The following RTP1 variants were observed in gnomAD, a reference collection of about 807,000 sequenced individuals.
The protein encoded by RTP1 is receptor-transporting protein 1.
In RTP1, 24 loss-of-function variants were observed where a neutral mutation model predicts 27.1. The ratio of observed to expected loss-of-function variants is 0.89; its 90% CI spans 0.64 to 1.25. The LOEUF (loss-of-function observed/expected upper bound fraction) is 1.25. Ranked by LOEUF, RTP1 falls within the 50% of genes most tolerant of loss-of-function variation. RTP1 has a pLI of 0.00. For missense variants in RTP1, 338 were observed against 351.6 expected (o/e 0.96, Z 0.31); for synonymous variants, 148 against 148.1 (o/e 1.00, Z 0.00).
Position 187,197,616 on chromosome 3 carries a change from A to T in RTP1, c.101A>T (p.Asp34Val), listed in dbSNP as rs749388369. ...TGGAAATTGCCTTCCCTCACTACTG[A>T]CGAGACCATGTGTAAAAGCGTGACC... ...LRWKLPSLTTDETMCKSVTTD... is the reference protein window; with the variant it reads ...LRWKLPSLTTVETMCKSVTTD... The change falls in exon 1 of 2, where the codon GAC (aspartate) becomes GTC (valine). Residue 34 changes from aspartate to valine, a missense_variant. Asp to Val is a radical substitution (Grantham distance 152, BLOSUM62 -3). Around this residue, in one of 3 missense-constraint regions of RTP1, gnomAD observed 64 missense variants for 74.5 expected, o/e 0.86. Transcript: ENST00000312295. The T allele has an allele frequency of 6.2e-7, 1 of 1,614,126 alleles. No individual in the cohort carries two copies. Among genetic ancestry groups the T allele is most frequent in the Non-Finnish European group, 8.5e-7 (1 of 1,180,032 alleles).
Position 187,197,495 on chromosome 3 carries a change from T to C in RTP1, c.-21T>C, listed in dbSNP as rs372478884. Reference sequence around the variant, plus strand: ...GCGGACAAAGGAGGGAGCTGGGTCCTGCTTCCTCCTGGTCTTGTCGATGAG... The same window carrying C: ...GCGGACAAAGGAGGGAGCTGGGTCCCGCTTCCTCCTGGTCTTGTCGATGAG... On this transcript the variant is annotated 5_prime_UTR_variant, in exon 1 of 2. Transcript: ENST00000312295. The C allele has an allele frequency of 4.0e-5, 65 of 1,606,350 alleles. No individual in the cohort carries two copies. In the African/African-American group the frequency reaches 6.9e-4, roughly 17 times the overall value.
rs1285513180 is a variant in RTP1 at position 187,199,800 on chromosome 3, C to T, written c.522C>T (p.Arg174=). Residue 174 remains arginine (R), a synonymous_variant, in exon 2 of 2, where the codon CGC becomes CGT. Transcript: ENST00000312295. ...ACGGCGAGCGTGGCGGCCAGTACCG[C>T]ATCCACGTGGCCAGCCGCCAGGACA... is the stretch of plus-strand genomic sequence containing the variant. ...QCYGERGGQY[R]IHVASRQDNR... 3.1e-6 allele frequency: 5 copies of T among 1,611,420 alleles called. No individual in the cohort carries two copies. In the African/African-American group the frequency reaches 6.7e-5, roughly 21 times the overall value.
rs1721698420 is a variant in RTP1, at chr3:187,200,411, G to C, written c.*341G>C. On this transcript the variant is annotated 3_prime_UTR_variant, in exon 2 of 2. Transcript: ENST00000312295. ...TCCTCCTCTTGCTTCGATCAGAACAGCTTTACTTTAGATAGGGTTCCATTT... is the reference window on the plus strand; with the variant it reads ...TCCTCCTCTTGCTTCGATCAGAACACCTTTACTTTAGATAGGGTTCCATTT... 5.5e-6 allele frequency: 1 copy of C among 181,782 alleles called. No homozygotes were observed. Among genetic ancestry groups the C allele is most frequent in the Admixed American group, 6.6e-5 (1 of 15,232 alleles). The allele number at this position is 181,782 out of a possible 1,614,324, so 11.3% of individuals were successfully genotyped here.
chr3:187,198,096 T>G, intron 1 of RTP1: 1 of 276,734 alleles, frequency 3.6e-6, no homozygotes, highest in Non-Finnish European at 6.8e-6. Context: ...TATTTTCTAT[T>G]TTAACAGTCT....
chr3:187,197,505 T>G lies in RTP1; in HGVS notation c.-11T>G. 6.2e-7 allele frequency: 1 copy of G among 1,611,252 alleles called. No homozygotes were observed. Among genetic ancestry groups the G allele is most frequent in the East Asian group, 2.2e-5 (1 of 44,782 alleles). Reference sequence around the variant, plus strand: ...GAGGGAGCTGGGTCCTGCTTCCTCCTGGTCTTGTCGATGAGGATTTTTAGA... The same window carrying G: ...GAGGGAGCTGGGTCCTGCTTCCTCCGGGTCTTGTCGATGAGGATTTTTAGA... On this transcript the variant is annotated 5_prime_UTR_variant, in exon 1 of 2. Coordinates refer to ENST00000312295, the MANE Select transcript of RTP1 (RefSeq NM_153708.3).
In RTP1 at chr3:187,200,086, C is replaced by T; in HGVS notation, c.*16C>T. 6.7e-7 allele frequency: 1 copy of T among 1,491,970 alleles called. No individual in the cohort carries two copies. Among genetic ancestry groups the T allele is most frequent in the Non-Finnish European group, 8.9e-7 (1 of 1,118,422 alleles). 92.4% of individuals were successfully genotyped at this position (1,491,970 alleles called of 1,614,324 possible). A position where few individuals can be genotyped will look rare whatever the true frequency, so the allele number is the denominator to read the frequency against. ...CTCCGTATAAGATTCCGTGGTTGGGCCCAGAGCCTGTCGAGGGTGCCAGTT... is the reference window on the plus strand; with the variant it reads ...CTCCGTATAAGATTCCGTGGTTGGGTCCAGAGCCTGTCGAGGGTGCCAGTT... On this transcript the variant is annotated 3_prime_UTR_variant, in exon 2 of 2. Coordinates refer to ENST00000312295, the MANE Select transcript of RTP1 (RefSeq NM_153708.3).
chr3:187,199,704 G>C lies in RTP1; in HGVS notation c.426G>C (p.Glu142Asp), dbSNP rs1317942521. ...CYECGTARLD[E>D]SSMLEENIEG... ...AGTGCGGCACGGCGCGGCTGGACGA[G>C]TCCAGCATGCTGGAGGAGAACATCG... The change falls in exon 2 of 2, where the codon GAG (glutamate) becomes GAC (aspartate). Residue 142 changes from glutamate to aspartate, a missense_variant. By Grantham distance (45) the Glu-to-Asp change is conservative. Transcript: ENST00000312295. 4 of 1,613,286 alleles carry C rather than the reference G, an allele frequency of 2.5e-6. No homozygotes were observed. Among genetic ancestry groups the C allele is most frequent in the Non-Finnish European group, 3.4e-6 (4 of 1,179,432 alleles).
At position 187,197,611 on chromosome 3, in the gene RTP1, T is replaced by G. The variant is rs1477602355; in HGVS notation, c.96T>G (p.Thr32=). Residue 32 remains threonine (T), a synonymous_variant, in exon 1 of 2, where the codon ACT becomes ACG. Transcript: ENST00000312295. ...TAAGGTGGAAATTGCCTTCCCTCACTACTGACGAGACCATGTGTAAAAGCG... is the reference window on the plus strand; with the variant it reads ...TAAGGTGGAAATTGCCTTCCCTCACGACTGACGAGACCATGTGTAAAAGCG... The part of the protein sequence containing the change: ...FSLRWKLPSL[T]TDETMCKSVT... The G allele has an allele frequency of 6.2e-7, 1 of 1,614,142 alleles. No homozygotes were observed. The highest frequency in any genetic ancestry group is 1.3e-5 in the African/African-American group (1 of 75,018).
rs1160437827 is a variant in RTP1, at chr3:187,200,278, C to T, written c.*208C>T. ...TGGTTTATCATAGTGAAACCCAGGACCCCAAAGTTCTGCGTAGGTGCCTCA... is the reference window on the plus strand; with the variant it reads ...TGGTTTATCATAGTGAAACCCAGGATCCCAAAGTTCTGCGTAGGTGCCTCA... On this transcript the variant is annotated 3_prime_UTR_variant, in exon 2 of 2. Transcript: ENST00000312295. 1 of 432,616 alleles carries T rather than the reference C, an allele frequency of 2.3e-6. No individual in the cohort carries two copies. The highest frequency in any genetic ancestry group is 3.9e-6 in the Non-Finnish European group (1 of 257,986). The allele number at this position is 432,616 out of a possible 1,614,324, so 26.8% of individuals were successfully genotyped here.
At position 187,199,796 on chromosome 3, in the gene RTP1, A is replaced by G. The variant is rs773480899; in HGVS notation, c.518A>G (p.Tyr173Cys). Residue 173 changes from tyrosine (Y) to cysteine (C), a missense_variant, in exon 2 of 2, where the codon TAC (tyrosine) becomes TGC (cysteine). By Grantham distance (194) the Tyr-to-Cys change is radical (BLOSUM62 -2). This residue lies in a region of RTP1 where 252 missense variants were observed against 231.5 expected (regional missense o/e 1.09). Coordinates refer to ENST00000312295, the MANE Select transcript of RTP1 (RefSeq NM_153708.3). ...TGCTACGGCGAGCGTGGCGGCCAGT[A>G]CCGCATCCACGTGGCCAGCCGCCAG... ...EQCYGERGGQ[Y>C]RIHVASRQDN... 5.0e-6 allele frequency: 8 copies of G among 1,611,736 alleles called. No individual in the cohort carries two copies. Among genetic ancestry groups the G allele is most frequent in the African/African-American group, 1.3e-5 (1 of 74,970 alleles).
Position 187,199,809 on chromosome 3 carries a change from G to T in RTP1, c.531G>T (p.Val177=). Residue 177 remains valine, a synonymous_variant, in exon 2 of 2, where the codon GTG becomes GTT. Transcript: ENST00000312295. ...GERGGQYRIH[V]ASRQDNRRHR... is the part of the protein sequence containing the mutation. Reference sequence around the variant, plus strand: ...GTGGCGGCCAGTACCGCATCCACGTGGCCAGCCGCCAGGACAACCGGCGGC... The same window carrying T: ...GTGGCGGCCAGTACCGCATCCACGTTGCCAGCCGCCAGGACAACCGGCGGC... The T allele has an allele frequency of 6.2e-7, 1 of 1,609,760 alleles. No homozygotes were observed. Among genetic ancestry groups the T allele is most frequent in the Non-Finnish European group, 8.5e-7 (1 of 1,176,790 alleles).
At position 187,199,645 on chromosome 3, in the gene RTP1, G is replaced by T. The variant is rs768259250; in HGVS notation, c.367G>T (p.Val123Leu). Residue 123 changes from valine to leucine, a missense_variant, in exon 2 of 2, where the codon GTG becomes TTG. Val to Leu is a conservative substitution (Grantham distance 32, BLOSUM62 1). This residue lies in a region of RTP1 where 252 missense variants were observed against 231.5 expected (regional missense o/e 1.09). Transcript: ENST00000312295. The part of the protein sequence containing the change: ...FLDRAQRAGS[V>L]RMRVFKQLCY... Reference sequence around the variant, plus strand: ...GGACCGCGCCCAGCGGGCGGGCTCGGTGCGCATGCGCGTCTTCAAGCAGCT... The same window carrying T: ...GGACCGCGCCCAGCGGGCGGGCTCGTTGCGCATGCGCGTCTTCAAGCAGCT... 106 of 1,609,416 alleles carry T rather than the reference G, an allele frequency of 6.6e-5. No homozygotes were observed. The highest frequency in any genetic ancestry group is 8.8e-5 in the Non-Finnish European group (103 of 1,176,308).
rs1007411185 is a variant in RTP1, at chr3:187,201,112, C to G, written c.*1042C>G. 1 of 152,136 alleles carries G rather than the reference C, an allele frequency of 6.6e-6. No individual in the cohort carries two copies. Among genetic ancestry groups the G allele is most frequent in the South Asian group, 2.1e-4 (1 of 4,824 alleles). 9.4% of individuals were successfully genotyped at this position (152,136 alleles called of 1,614,324 possible). A position where few individuals can be genotyped will look rare whatever the true frequency, so the allele number is the denominator to read the frequency against. ...CCTCTTGCCAAAGATCAGCTGTCCC[C>G]CTAAAGCCACAGGGATGGGGTATCT... is the stretch of plus-strand genomic sequence containing the variant. On this transcript the variant is annotated 3_prime_UTR_variant, in exon 2 of 2. Transcript: ENST00000312295.
rs747053839 is a variant in RTP1 at position 187,199,551 on chromosome 3, G to T, written c.273G>T (p.Arg91Ser). ...KQYLELHASG[R>S]FHCSWCWHTW... is the part of the protein sequence containing the mutation. ...CCTCCCTCTCCTCCCGTCTCCGCAG[G>T]TTCCACTGCTCCTGGTGCTGGCACA... Residue 91 changes from arginine to serine, a missense_variant and splice_region_variant, in exon 2 of 2, where the codon AGG (arginine) becomes AGT (serine). By Grantham distance (110) the Arg-to-Ser change is moderately radical (BLOSUM62 -1). This residue lies in a region of RTP1 where 22 missense variants were observed against 45.6 expected (regional missense o/e 0.48). Coordinates refer to ENST00000312295, the MANE Select transcript of RTP1 (RefSeq NM_153708.3). The T allele has an allele frequency of 6.2e-5, 98 of 1,585,218 alleles. No individual in the cohort carries two copies. The highest frequency in any genetic ancestry group is 1.7e-4 in the Middle Eastern group (1 of 5,990).
chr3:187,197,991 A>G, intron 1 of RTP1: 2 of 565,476 alleles, frequency 3.5e-6, no homozygotes, highest in Non-Finnish European at 6.3e-6. Context: ...TCTACTGATC[A>G]CCTGTGTTAC....
chr3:187,197,889 G>T, intron 1 of RTP1, 102 bp downstream of exon 1: 1 of 1,184,960 alleles, frequency 8.4e-7, no homozygotes, highest in Non-Finnish European at 1.2e-6. Context: ...CAAGTGTTTA[G>T]CTTCAATCTC....
rs776804410 is a variant in RTP1 at position 187,197,725 on chromosome 3, C to T, written c.210C>T (p.Asn70=). The change falls in exon 1 of 2, where the codon AAC becomes AAT. Residue 70 remains asparagine (N), a synonymous_variant. Transcript: ENST00000312295. ...GCTGGGACCTCATCATAGACCCCAA[C>T]CTCAAGCACAATGTGCTGAGCCCTG... ...ADSWDLIIDP[N]LKHNVLSPGW... 1.5e-5 allele frequency: 24 copies of T among 1,614,210 alleles called. No homozygotes were observed. The highest frequency in any genetic ancestry group is 1.2e-4 in the South Asian group (11 of 91,084).
chr3:187,197,824 C>T (rs377056268), intron 1 of RTP1, 37 bp downstream of exon 1: 79 of 1,591,344 alleles, frequency 5.0e-5, no homozygotes, highest in Non-Finnish European at 6.7e-5. Flanking sequence ...TGCAGGCCGC[C>T]TCTAGGTCCC....
In RTP1 at chr3:187,200,091, AG is replaced by A. The variant is rs751094334; in HGVS notation, c.*22del. 2 of 1,489,928 alleles carry A rather than the reference AG, an allele frequency of 1.3e-6. No homozygotes were observed. The highest frequency in any genetic ancestry group is 4.6e-5 in the Admixed American group (2 of 43,790). 92.3% of individuals were successfully genotyped at this position (1,489,928 alleles called of 1,614,324 possible). On this transcript the variant is annotated 3_prime_UTR_variant, in exon 2 of 2. Coordinates refer to ENST00000312295, the MANE Select transcript of RTP1 (RefSeq NM_153708.3). ...TATAAGATTCCGTGGTTGGGCCCAG[AG>A]CCTGTCGAGGGTGCCAGTTAGCTGA... is the stretch of plus-strand genomic sequence containing the variant.
Sources: allele counts gnomAD v4.1 joint callset, GRCh38; gene constraint gnomAD v4.1.1; regional missense constraint gnomAD v4.1.1; transcripts MANE v1.5; gene names NCBI Gene and HGNC (gene_info 2026-07-23, HGNC 2026-07-21).